NEK10: variants seen among roughly 807,000 people sequenced by gnomAD.
NEK10 encodes the protein serine/threonine-protein kinase Nek10.
NEK10 carries 122 observed loss-of-function variants against 159.8 expected under a neutral mutation model. That is an observed-to-expected ratio of 0.76 (90% confidence interval 0.66 to 0.89). The LOEUF (loss-of-function observed/expected upper bound fraction) is 0.89, where lower values mean the gene tolerates loss of function less well. Ranked by LOEUF, NEK10 falls within the 40% of genes least tolerant of loss-of-function variation. NEK10 has a pLI of 0.00. For missense variants in NEK10, 1,342 were observed against 1,323.1 expected, an observed-to-expected ratio of 1.01 and a Z score of -0.22; for synonymous variants, 466 against 457.1, an observed-to-expected ratio of 1.02 and a Z score of -0.25.
chr3:27,160,896 A>G (rs1270219439), intron 30 of NEK10, among the ~76,000 whole-genome samples: 1 of 152,078 alleles, frequency 6.6e-6, no homozygotes, highest in Non-Finnish European at 1.5e-5. Flanking sequence ...ACACAGGGAG[A>G]CTCTGTCTCA....
intron 3 of NEK10, among the ~76,000 whole-genome samples, chr3:27,350,064 G>A (rs965217908): frequency 5.3e-5 from 8 of 152,198 alleles, no homozygotes; most frequent in Admixed American, 3.9e-4. Context: ...CTACAAGGTA[G>A]ATTTCCTCTG....
chr3:27,280,735 T>C (rs571669089), intron 22 of NEK10, among the ~76,000 whole-genome samples: 1 of 152,208 alleles, frequency 6.6e-6, no homozygotes, highest in African/African-American at 2.4e-5. Flanking sequence ...CTGACAGCCT[T>C]TTTCATGCCT....
chr3:27,194,693 A>G (rs959813460), intron 25 of NEK10: 11 of 152,224 alleles, frequency 7.2e-5, no homozygotes, highest in South Asian at 2.1e-4. Context: ...AGCTGAAAGT[A>G]TTAACTTTGT....
intron 30 of NEK10, 123 bp from the exon 31 acceptor site, chr3:27,141,705 T>C (rs775851453): frequency 1.4e-5 from 9 of 643,442 alleles, no homozygotes; most frequent in Admixed American, 2.7e-5. Flanking sequence ...TGAGACAATA[T>C]GCAGAGACCC....
chr3:27,257,540 T>G (rs1456124583), intron 22 of NEK10, among the ~76,000 whole-genome samples: 1 of 152,172 alleles, frequency 6.6e-6, no homozygotes, highest in Admixed American at 6.5e-5. Flanking sequence ...AAATTCGCAT[T>G]ATTAATAATA....
At chr3:27,145,827 C>T (rs1440439972) in intron 30 of NEK10, among the ~76,000 whole-genome samples, 2 of 152,008 alleles carry the variant, frequency 1.3e-5, no homozygotes, top group Non-Finnish European at 2.9e-5. Flanking sequence ...ATCCCCAAGG[C>T]AATGGCATTT....
chr3:27,140,258 C>T (rs1943653819), intron 31 of NEK10, among the ~76,000 whole-genome samples: 2 of 152,158 alleles, frequency 1.3e-5, no homozygotes, highest in African/African-American at 4.8e-5. Context: ...TATAGCTTCT[C>T]ACACAGTTTC....
At chr3:27,350,091 A>C (rs968637117) in intron 3 of NEK10, among the ~76,000 whole-genome samples, 2 of 152,210 alleles carry the variant, frequency 1.3e-5, no homozygotes, top group Non-Finnish European at 2.9e-5. Context: ...GAATTTGGCC[A>C]GCCTGGTTCA....
intron 25 of NEK10, among the ~76,000 whole-genome samples, chr3:27,197,892 AC>A (rs1349285756): frequency 6.6e-6 from 1 of 151,696 alleles, no homozygotes; most frequent in Non-Finnish European, 1.5e-5. Context: ...GGTGTGCTGC[AC>A]CCATTAACTC....
chr3:27,128,014 C>T (rs1942168782), intron 32 of NEK10, among the ~76,000 whole-genome samples: 1 of 152,020 alleles, frequency 6.6e-6, no homozygotes, highest in Non-Finnish European at 1.5e-5. Context: ...TCTGTTGTCC[C>T]CTTATTTGCT....
chr3:27,299,461 G>A (rs1218551892), intron 13 of NEK10, among the ~76,000 whole-genome samples: 2 of 152,206 alleles, frequency 1.3e-5, no homozygotes, highest in Admixed American at 6.5e-5. Context: ...CTCTCATGGA[G>A]AACATCTGCT....
At chr3:27,215,923 C>T in intron 23 of NEK10, 1 of 657,724 alleles carries the variant, frequency 1.5e-6, no homozygotes, top group Non-Finnish European at 2.8e-6. Context: ...ATCATGAGAA[C>T]AGCACCAAGG....
chr3:27,199,654 C>G (rs192921045), intron 25 of NEK10, among the ~76,000 whole-genome samples: 7 of 152,284 alleles, frequency 4.6e-5, no homozygotes, highest in African/African-American at 1.7e-4. Context: ...AAAACACATG[C>G]ACACATATGT....
chr3:27,211,196 C>G (rs1304425547), intron 23 of NEK10, among the ~76,000 whole-genome samples: 1 of 152,172 alleles, frequency 6.6e-6, no homozygotes, highest in Admixed American at 6.5e-5. Flanking sequence ...GATTTCAGAT[C>G]ATTTCATGCG....
At chr3:27,182,369 A>AT (rs1338764518) in intron 26 of NEK10, among the ~76,000 whole-genome samples, 1 of 152,116 alleles carries the variant, frequency 6.6e-6, no homozygotes, top group African/African-American at 2.4e-5. Flanking sequence ...AAATTAAAAC[A>AT]TTTTTTAAAA....
At chr3:27,263,335 C>A (rs1434518695) in intron 22 of NEK10, among the ~76,000 whole-genome samples, 1 of 152,226 alleles carries the variant, frequency 6.6e-6, no homozygotes, top group Non-Finnish European at 1.5e-5. Flanking sequence ...CCACTACTCT[C>A]TTCAAAGCTG....
At chr3:27,218,156 C>G (rs1339828223) in intron 23 of NEK10, among the ~76,000 whole-genome samples, 1 of 152,120 alleles carries the variant, frequency 6.6e-6, no homozygotes, top group East Asian at 1.9e-4. Context: ...GATTCACATC[C>G]CAGGTGAGAA....
intron 22 of NEK10, among the ~76,000 whole-genome samples, chr3:27,270,678 C>T (rs2041266423): frequency 6.6e-6 from 1 of 152,076 alleles, no homozygotes; most frequent in Non-Finnish European, 1.5e-5. Context: ...AAATATAATT[C>T]TCCACTTCAG....
At chr3:27,284,449 G>T (rs970730275) in intron 22 of NEK10, among the ~76,000 whole-genome samples, 153 bp downstream of exon 22, 1 of 152,138 alleles carries the variant, frequency 6.6e-6, no homozygotes, top group East Asian at 1.9e-4. Flanking sequence ...CACATTTCAA[G>T]TGCTCAATAG....
Sources: gnomAD v4.1 joint callset for allele counts (sites outside exome capture counted in the v4.1 genomes callset) on GRCh38, gnomAD v4.1.1 for gene constraint, MANE v1.5 for transcripts, NCBI Gene and HGNC (gene_info 2026-07-23, HGNC 2026-07-21) for gene names.